Variants in ZMYM6 observed in about 807,000 individuals in gnomAD.
ZMYM6 encodes zinc finger MYM-type containing 6, also known as zinc finger MYM-type protein 6.
In ZMYM6, 90 loss-of-function variants were observed where a neutral mutation model predicts 134.0. That is an observed-to-expected ratio of 0.67 (90% confidence interval 0.57 to 0.80). The LOEUF is 0.80. Among genes scored for constraint, ZMYM6 ranks in the 30% least tolerant of loss-of-function variants. ZMYM6 has a pLI of 0.00. For synonymous variants in ZMYM6, 481 were observed against 524.1 expected (o/e 0.92, Z 1.12); for missense variants, 1,362 against 1,533.9 (o/e 0.89, Z 1.87).
intron 11 of ZMYM6, among the ~76,000 whole-genome samples, chr1:35,008,368 T>A (rs1324873334): frequency 6.6e-6 from 1 of 152,228 alleles, no homozygotes; most frequent in East Asian, 1.9e-4. Flanking sequence ...GAGGTAGGAA[T>A]GGTTGCCAGC....
At chr1:35,026,058 TCG>T (rs1308795518) in intron 2 of ZMYM6, among the ~76,000 whole-genome samples, 32 of 152,276 alleles carry the variant, frequency 2.1e-4, no homozygotes, top group African/African-American at 7.5e-4. Flanking sequence ...TCTCCCTTTG[TCG>T]TCCAGATTGG....
At chr1:35,006,765 G>A (rs2148450865) in intron 12 of ZMYM6, among the ~76,000 whole-genome samples, 186 bp downstream of exon 12, 1 of 152,268 alleles carries the variant, frequency 6.6e-6, no homozygotes, top group Middle Eastern at 3.4e-3. Flanking sequence ...GACTATCAGA[G>A]CAAAAAGTAT....
At chr1:35,017,911 T>C (rs1208493200) in intron 4 of ZMYM6, 1 of 152,214 alleles carries the variant, frequency 6.6e-6, no homozygotes, top group East Asian at 1.9e-4. Context: ...TTTATTTTGG[T>C]ATTTGGTATG....
Position 35,030,542 on chromosome 1 carries a change from C to T in ZMYM6, c.93+5G>A, listed in dbSNP as rs927267121. ...TAAATTTTTAAATGAAGATGAAATG[C>T]TTACTTGAGCATTGTCTGGTTCTTC... On this transcript the variant is annotated splice_donor_5th_base_variant and intron_variant, in intron 2 of 15. Coordinates refer to ENST00000357182, the MANE Select transcript of ZMYM6 (RefSeq NM_007167.4). The T allele has an allele frequency of 6.3e-7, 1 of 1,597,656 alleles. No individual in the cohort carries two copies. The highest frequency in any genetic ancestry group is 8.5e-7 in the Non-Finnish European group (1 of 1,176,606).
rs1314725433 is a variant in ZMYM6 at position 35,011,915 on chromosome 1, C to G, written c.1037G>C (p.Ser346Thr). 1 of 1,604,362 alleles carries G rather than the reference C, an allele frequency of 6.2e-7. No individual in the cohort carries two copies. The highest frequency in any genetic ancestry group is 8.5e-7 in the Non-Finnish European group (1 of 1,174,308). ...MSNGTIYSFC[S>T]SSCVVAFQNV... is the part of the protein sequence containing the mutation. ...CTGGAAAGCAACCACACAACTGGAG[C>G]TGCAGAAGCTGTATATAGTTCCATT... The change falls in exon 8 of 16, where the codon AGC becomes ACC. Residue 346 changes from serine (S) to threonine (T), a missense_variant. Ser to Thr is a moderately conservative substitution (Grantham distance 58). Around this residue, in one of 3 missense-constraint regions of ZMYM6, gnomAD observed 503 missense variants for 520.8 expected, o/e 0.97. Transcript: ENST00000357182.
intron 15 of ZMYM6, chr1:34,990,445 T>TA (rs1275556259): frequency 6.3e-6 from 1 of 159,440 alleles, no homozygotes; most frequent in Non-Finnish European, 1.4e-5. Context: ...ATCGCGCCAC[T>TA]ACACTCTAGC....
chr1:35,007,359 G>A (rs1641002403), intron 11 of ZMYM6, among the ~76,000 whole-genome samples: 1 of 152,138 alleles, frequency 6.6e-6, no homozygotes, highest in South Asian at 2.1e-4. Context: ...AGGAGGCCGA[G>A]GTGGGCGGAT....
intron 10 of ZMYM6, among the ~76,000 whole-genome samples, chr1:35,009,925 G>A (rs1281061844): frequency 6.6e-6 from 1 of 152,028 alleles, no homozygotes; most frequent in African/African-American, 2.4e-5. Context: ...GACAGGGCAA[G>A]ACCTTGTCTC....
Position 35,020,381 on chromosome 1 carries a change from A to C in ZMYM6, c.178+2T>G. On this transcript the variant is annotated splice_donor_variant, in intron 3 of 15. Coordinates refer to ENST00000357182, the MANE Select transcript of ZMYM6 (RefSeq NM_007167.4). LOFTEE classifies it high-confidence loss of function. The stretch of plus-strand genomic sequence containing the variant: ...ACTAACTTATACAGTTCCATTTCTT[A>C]CCAATAGGTCTCTCATTAACTGAAG... The C allele has an allele frequency of 6.2e-7, 1 of 1,601,094 alleles. No homozygotes were observed. The highest frequency in any genetic ancestry group is 8.5e-7 in the Non-Finnish European group (1 of 1,176,250).
Position 35,029,962 on chromosome 1 carries a change from T to A in ZMYM6, c.93+585A>T, listed in dbSNP as rs1459417339. ...ACAAGGGAAGGGACTAAGCTGACTT[T>A]GCTCAATCCTGGATCCCCAGAGACT... On this transcript the variant is annotated intron_variant, in intron 2 of 15. Transcript: ENST00000357182. Among the ~76,000 whole-genome samples the A allele has an allele frequency of 2.0e-5, 3 of 152,356 alleles. 1 individual carries two copies. In the East Asian group the frequency reaches 5.8e-4, roughly 29 times the overall value.
chr1:35,015,293 A>T (rs1641161912), intron 4 of ZMYM6, 131 bp from the exon 5 acceptor site: 1 of 873,186 alleles, frequency 1.1e-6, no homozygotes, highest in Admixed American at 3.2e-5. Flanking sequence ...GAATCTGCAA[A>T]CCTGGGTTTG....
chr1:35,002,741 A>G (rs757433304), intron 14 of ZMYM6, among the ~76,000 whole-genome samples: 6 of 152,238 alleles, frequency 3.9e-5, no homozygotes, highest in Non-Finnish European at 7.3e-5. Flanking sequence ...TTTTTATCAC[A>G]TCTAACTTTT....
chr1:35,010,799 T>A lies in ZMYM6; in HGVS notation c.1300A>T (p.Asn434Tyr). Residue 434 changes from asparagine to tyrosine, a missense_variant, in exon 9 of 16, where the codon AAC (asparagine) becomes TAC (tyrosine). This residue lies in a region of ZMYM6 where 503 missense variants were observed against 520.8 expected (regional missense o/e 0.97). Transcript: ENST00000357182. ...TCTGGTTTTGTGGCAAATAGATGGT[T>A]ACAGTGCTGACACTTGAGTTTAACA... ...TVVKLKCQHC[N>Y]HLFATKPELL... 6.3e-7 allele frequency: 1 copy of A among 1,591,726 alleles called. No individual in the cohort carries two copies. Among genetic ancestry groups the A allele is most frequent in the South Asian group, 1.2e-5 (1 of 86,736 alleles).
At position 35,008,868 on chromosome 1, in the gene ZMYM6, T is replaced by G. The variant is rs768661171; in HGVS notation, c.1549A>C (p.Met517Leu). Residue 517 changes from methionine (M) to leucine (L), a missense_variant, in exon 11 of 16, where the codon ATG becomes CTG. This residue lies in a region of ZMYM6 where 824 missense variants were observed against 940.9 expected (regional missense o/e 0.88). Coordinates refer to ENST00000357182, the MANE Select transcript of ZMYM6 (RefSeq NM_007167.4). ...FGERWGNYCKMCSYCSQTSPN... is the reference protein window; with the variant it reads ...FGERWGNYCKLCSYCSQTSPN... ...GATGTCTGTGAACAGTAGCTGCACA[T>G]CTTACAGTAGTTTCCCCATCGTTCT... 2 of 1,614,060 alleles carry G rather than the reference T, an allele frequency of 1.2e-6. No individual in the cohort carries two copies. Among genetic ancestry groups the G allele is most frequent in the Admixed American group, 3.3e-5 (2 of 60,004 alleles).
At chr1:34,990,874 T>G (rs1025797761) in intron 15 of ZMYM6, among the ~76,000 whole-genome samples, 14 of 152,226 alleles carry the variant, frequency 9.2e-5, no homozygotes, top group African/African-American at 3.4e-4. Context: ...AGATTTATTC[T>G]TTTAAAAGAG....
At chr1:34,989,212 G>A in intron 15 of ZMYM6, 1 of 1,161,990 alleles carries the variant, frequency 8.6e-7, no homozygotes, top group Non-Finnish European at 1.1e-6. Flanking sequence ...ATTGAAATTA[G>A]GGCTGAAGAC....
At chr1:34,989,142 G>A in intron 15 of ZMYM6, 2 of 1,349,404 alleles carry the variant, frequency 1.5e-6, no homozygotes, top group South Asian at 1.7e-5. Flanking sequence ...TTGATCACTA[G>A]GTATAATAAA....
intron 14 of ZMYM6, among the ~76,000 whole-genome samples, chr1:34,994,509 G>A (rs1041008147): frequency 9.2e-5 from 14 of 152,128 alleles, no homozygotes; most frequent in Non-Finnish European, 2.9e-5. Context: ...AAGACAGTAA[G>A]CAAGGGGAGA....
At chr1:35,025,071 G>A (rs1157974582) in intron 2 of ZMYM6, among the ~76,000 whole-genome samples, 11 of 150,618 alleles carry the variant, frequency 7.3e-5, no homozygotes, top group Admixed American at 4.6e-4. Flanking sequence ...TGGTTTCACC[G>A]TGTTGGCCAG....
Sources: allele counts gnomAD v4.1 joint callset (sites outside exome capture counted in the v4.1 genomes callset), GRCh38; gene constraint gnomAD v4.1.1; regional missense constraint gnomAD v4.1.1; transcripts MANE v1.5; gene names NCBI Gene and HGNC (gene_info 2026-07-23, HGNC 2026-07-21).